The following GPC3 variants were observed in gnomAD, a reference collection of about 807,000 sequenced individuals.
GPC3 encodes glypican 3.
GPC3 carries 3 observed loss-of-function variants against 34.4 expected under a neutral mutation model. The observed-to-expected ratio is 0.09, with a 90% confidence interval of 0.04 to 0.23. The LOEUF (loss-of-function observed/expected upper bound fraction) is 0.23, where lower values mean the gene tolerates loss of function less well. GPC3 is among the 10% of genes least tolerant of loss of function. The pLI is 1.00. For missense variants in GPC3, 351 were observed against 445.6 expected, an observed-to-expected ratio of 0.79 and a Z score of 1.91; for synonymous variants, 177 against 174.0, an observed-to-expected ratio of 1.02 and a Z score of -0.13.
At chrX:133,941,704 T>C (rs748352128) in intron 2 of GPC3, among the ~76,000 whole-genome samples, 1 of 111,998 alleles carries the variant, frequency 8.9e-6, no homozygotes, top group East Asian at 2.8e-4. Flanking sequence ...AAAGAATATA[T>C]TGGAAACCAA....
intron 1 of GPC3, among the ~76,000 whole-genome samples, chrX:133,982,933 G>A (rs763542955): frequency 2.7e-5 from 3 of 111,970 alleles, no homozygotes; most frequent in Non-Finnish European, 5.6e-5. Context: ...ATTGTATTTA[G>A]TCTGCCATTA....
chrX:133,978,602 T>TA (rs374233567), intron 1 of GPC3, among the ~76,000 whole-genome samples: 1 of 110,196 alleles, frequency 9.1e-6, no homozygotes, highest in Non-Finnish European at 1.9e-5. Context: ...ATTTTTGACC[T>TA]AAAAAAAAAC....
chrX:133,801,764 G>C (rs2075611103), intron 2 of GPC3, among the ~76,000 whole-genome samples: 1 of 112,242 alleles, frequency 8.9e-6, no homozygotes, highest in Admixed American at 9.4e-5. Flanking sequence ...TGTCAAGGCT[G>C]TAAAGATTAT....
At chrX:133,878,802 TAAAAG>T (rs1343477378) in intron 2 of GPC3, among the ~76,000 whole-genome samples, 1 of 111,620 alleles carries the variant, frequency 9.0e-6, no homozygotes, top group Admixed American at 9.6e-5. Flanking sequence ...AAATAAGGGC[TAAAAG>T]AAAAGCCAGG....
chrX:133,846,165 T>C (rs1211422263), intron 2 of GPC3, among the ~76,000 whole-genome samples: 2 of 112,198 alleles, frequency 1.8e-5, no homozygotes, highest in Non-Finnish European at 3.8e-5. Context: ...ACCTCTAAAG[T>C]GTTTGAAAAG....
At chrX:133,832,937 G>A (rs2075782459) in intron 2 of GPC3, among the ~76,000 whole-genome samples, 1 of 112,163 alleles carries the variant, frequency 8.9e-6, no homozygotes, top group Non-Finnish European at 1.9e-5. Context: ...GCTGAGCAAA[G>A]ACAAAAGGAA....
chrX:133,749,851 G>A (rs2071646278), intron 3 of GPC3, among the ~76,000 whole-genome samples: 2 of 111,208 alleles, frequency 1.8e-5, no homozygotes, highest in Non-Finnish European at 3.8e-5. Flanking sequence ...GGCATTCTGT[G>A]GGTTTGTTAA....
intron 3 of GPC3, among the ~76,000 whole-genome samples, chrX:133,722,079 C>T (rs2071373064): frequency 9.0e-6 from 1 of 111,172 alleles, no homozygotes; most frequent in Non-Finnish European, 1.9e-5. Context: ...AACACTTACA[C>T]CTCAACAATA....
intron 2 of GPC3, among the ~76,000 whole-genome samples, chrX:133,770,632 G>T (rs1380314288): frequency 1.8e-5 from 2 of 111,819 alleles, no homozygotes; most frequent in Admixed American, 9.5e-5. Context: ...CTACCTCAGT[G>T]ACTTGCAGGA....
chrX:133,886,910 C>T (rs1159880527), intron 2 of GPC3, among the ~76,000 whole-genome samples: 3 of 112,665 alleles, frequency 2.7e-5, no homozygotes, highest in Non-Finnish European at 3.7e-5. Flanking sequence ...AGTGAACATG[C>T]GGGTACAGCT....
At chrX:133,567,055 G>A (rs1369558734) in intron 7 of GPC3, among the ~76,000 whole-genome samples, 1 of 112,047 alleles carries the variant, frequency 8.9e-6, no homozygotes, top group African/African-American at 3.2e-5. Flanking sequence ...AGGAAAGGCT[G>A]ATGAGTATTT....
chrX:133,663,704 G>A (rs948618835), intron 5 of GPC3, among the ~76,000 whole-genome samples: 1 of 111,421 alleles, frequency 9.0e-6, no homozygotes, highest in Admixed American at 9.5e-5. Flanking sequence ...ACTCTCACTG[G>A]GTTCCCAAAC....
chrX:133,839,422 C>T (rs1302753295), intron 2 of GPC3, among the ~76,000 whole-genome samples: 1 of 111,431 alleles, frequency 9.0e-6, no homozygotes, highest in Non-Finnish European at 1.9e-5. Flanking sequence ...ACAGTGTATA[C>T]ATATATCAAA....
chrX:133,841,794 T>A (rs1464496772), intron 2 of GPC3, among the ~76,000 whole-genome samples: 2 of 111,870 alleles, frequency 1.8e-5, no homozygotes, highest in East Asian at 5.6e-4. Flanking sequence ...GTCTTTAATC[T>A]GGTAGGCACA....
intron 3 of GPC3, among the ~76,000 whole-genome samples, chrX:133,723,561 G>C (rs770227261): frequency 8.9e-6 from 1 of 111,834 alleles, no homozygotes; most frequent in East Asian, 2.8e-4. Flanking sequence ...TTTGGGTCAT[G>C]AGGGCAGATC....
intron 6 of GPC3, among the ~76,000 whole-genome samples, chrX:133,622,158 C>A (rs1319162761): frequency 8.9e-6 from 1 of 111,760 alleles, no homozygotes. Context: ...TGTATGTCAC[C>A]ATCATCAAAC....
chrX:133,954,946 G>A (rs5933360), intron 1 of GPC3, among the ~76,000 whole-genome samples: 5 of 109,065 alleles, frequency 4.6e-5, no homozygotes, highest in South Asian at 4.0e-4. Context: ...ATGGGGTTTC[G>A]CCATGTTGGG....
chrX:133,968,667 T>G (rs1032610872), intron 1 of GPC3, among the ~76,000 whole-genome samples: 1 of 110,501 alleles, frequency 9.0e-6, no homozygotes, highest in Non-Finnish European at 1.9e-5. Context: ...AATAAAAACT[T>G]GCTGAATTGA....
intron 2 of GPC3, among the ~76,000 whole-genome samples, chrX:133,874,880 T>G (rs916084876): frequency 1.4e-4 from 16 of 112,117 alleles, no homozygotes; most frequent in African/African-American, 5.2e-4. Context: ...AAATTCACCT[T>G]AGAATATTGA....
Sources: gnomAD v4.1 joint callset for allele counts (sites outside exome capture counted in the v4.1 genomes callset) on GRCh38, gnomAD v4.1.1 for gene constraint, MANE v1.5 for transcripts, NCBI Gene and HGNC (gene_info 2026-07-23, HGNC 2026-07-21) for gene names.